The following PIP5K1B variants were observed in gnomAD, a reference collection of about 807,000 sequenced individuals.
PIP5K1B encodes phosphatidylinositol 4-phosphate 5-kinase type-1 beta.
PIP5K1B carries 42 observed loss-of-function variants against 67.0 expected under a neutral mutation model. The ratio of observed to expected loss-of-function variants is 0.63; its 90% CI spans 0.49 to 0.81. The LOEUF (loss-of-function observed/expected upper bound fraction) is 0.81. Ranked by LOEUF, PIP5K1B falls within the 30% of genes least tolerant of loss-of-function variation. The pLI is 0.00. For missense variants in PIP5K1B, 459 were observed against 646.3 expected (o/e 0.71, Z 3.14); for synonymous variants, 214 against 231.4 (o/e 0.92, Z 0.68).
chr9:68,770,888 C>T (rs1159930230), intron 2 of PIP5K1B, among the ~76,000 whole-genome samples: 1 of 151,912 alleles, frequency 6.6e-6, no homozygotes, highest in Non-Finnish European at 1.5e-5. Flanking sequence ...ATCTGTGGAA[C>T]ATATAGCGGA....
At chr9:68,830,436 G>A (rs1344318216) in intron 4 of PIP5K1B, among the ~76,000 whole-genome samples, 4 of 16,572 alleles carry the variant, frequency 2.4e-4, no homozygotes, top group Non-Finnish European at 1.4e-3. Context: ...ACAGCTGAGC[G>A]AGCCAACCCT....
intron 15 of PIP5K1B, among the ~76,000 whole-genome samples, chr9:68,996,904 T>TA (rs1429294786): frequency 1.3e-5 from 2 of 152,232 alleles, no homozygotes; most frequent in Non-Finnish European, 2.9e-5. Context: ...GTTATGCCCT[T>TA]ACACTTTCCA....
At chr9:68,886,956 G>A (rs1400084576) in intron 6 of PIP5K1B, among the ~76,000 whole-genome samples, 1 of 152,138 alleles carries the variant, frequency 6.6e-6, no homozygotes, top group Non-Finnish European at 1.5e-5. Context: ...GGCCTCTGCT[G>A]TGCCTTGAGC....
In PIP5K1B at chr9:68,913,641, AT is replaced by A. The variant is rs560674906; in HGVS notation, c.772-3902del. On this transcript the variant is annotated intron_variant, in intron 8 of 15. Coordinates refer to ENST00000265382, the MANE Select transcript of PIP5K1B (RefSeq NM_003558.4). Reference sequence around the variant, plus strand: ...CCTTCAGATTTCTTAATCGATGGTGATTTTTCCCAACCCAAACTCTAACTGC... The same window carrying A: ...CCTTCAGATTTCTTAATCGATGGTGATTTTCCCAACCCAAACTCTAACTGC... 2.7e-3 allele frequency among the ~76,000 whole-genome samples: 417 copies of A among 152,172 alleles called. 1 individual carries two copies. Among genetic ancestry groups the A allele is most frequent in the African/African-American group, 9.4e-3 (392 of 41,520 alleles).
chr9:69,002,537 G>A (rs1830868189), intron 15 of PIP5K1B, among the ~76,000 whole-genome samples: 1 of 152,038 alleles, frequency 6.6e-6, no homozygotes, highest in East Asian at 1.9e-4. Flanking sequence ...ATCCCCCACT[G>A]CACTACATCC....
At position 68,923,394 on chromosome 9, in the gene PIP5K1B, T is replaced by G. The variant is rs765302865; in HGVS notation, c.1201+8T>G. 6.8e-6 allele frequency: 10 copies of G among 1,466,232 alleles called. No homozygotes were observed. The highest frequency in any genetic ancestry group is 6.0e-5 in the Admixed American group (3 of 49,644). The allele number at this position is 1,466,232 out of a possible 1,614,324, so 90.8% of individuals were successfully genotyped here. On this transcript the variant is annotated splice_region_variant and intron_variant, in intron 12 of 15. Transcript: ENST00000265382. ...TTTTCAAGAAAATTCAAGGTAAGAT[T>G]CTTATGAATTTTTTTTTTTACTTTT...
At chr9:68,864,048 T>C in intron 5 of PIP5K1B, 81 bp downstream of exon 5, 1 of 1,329,024 alleles carries the variant, frequency 7.5e-7, no homozygotes, top group Non-Finnish European at 1.1e-6. Context: ...GCTTTTCTAC[T>C]ATGTACATGT....
At chr9:68,984,095 A>C (rs1361099918) in intron 14 of PIP5K1B, among the ~76,000 whole-genome samples, 2 of 152,184 alleles carry the variant, frequency 1.3e-5, no homozygotes, top group African/African-American at 4.8e-5. Flanking sequence ...TGCATCCTAC[A>C]TTCATTACCA....
chr9:68,921,568 G>A (rs888921388), intron 11 of PIP5K1B, among the ~76,000 whole-genome samples: 1 of 151,986 alleles, frequency 6.6e-6, no homozygotes, highest in African/African-American at 2.4e-5. Flanking sequence ...GTGCATCTAA[G>A]GGCCCCCCAC....
intron 12 of PIP5K1B, among the ~76,000 whole-genome samples, chr9:68,923,956 A>G (rs1564238237): frequency 6.6e-6 from 1 of 152,110 alleles, no homozygotes; most frequent in Non-Finnish European, 1.5e-5. Flanking sequence ...ATTAAACCAC[A>G]CACTCTTAAA....
chr9:68,753,714 C>T (rs1007879266), intron 2 of PIP5K1B, among the ~76,000 whole-genome samples: 1 of 151,818 alleles, frequency 6.6e-6, no homozygotes, highest in Non-Finnish European at 1.5e-5. Flanking sequence ...TTAGTAGAGA[C>T]GGGGTTTCAC....
chr9:68,885,957 G>A (rs1484835314), intron 6 of PIP5K1B, among the ~76,000 whole-genome samples: 11 of 152,264 alleles, frequency 7.2e-5, no homozygotes, highest in Middle Eastern at 3.4e-3. Context: ...CGAGGCCGGC[G>A]GATCATGAGG....
intron 1 of PIP5K1B, among the ~76,000 whole-genome samples, chr9:68,734,221 T>C (rs1828611952): frequency 1.3e-5 from 2 of 152,332 alleles, no homozygotes; most frequent in East Asian, 1.9e-4. Flanking sequence ...GCACAAAGTA[T>C]ATACAGAAAA....
chr9:68,964,596 C>T (rs1303027572), intron 14 of PIP5K1B, among the ~76,000 whole-genome samples: 1 of 152,130 alleles, frequency 6.6e-6, no homozygotes, highest in East Asian at 1.9e-4. Context: ...ATTCTTCTCC[C>T]CAAGAAAGCA....
intron 4 of PIP5K1B, among the ~76,000 whole-genome samples, chr9:68,862,921 T>C (rs1430025834): frequency 2.0e-5 from 3 of 151,934 alleles, no homozygotes; most frequent in Admixed American, 1.3e-4. Context: ...TCTCTGGTGT[T>C]AAAAGCTTGA....
At chr9:68,786,113 A>G (rs1488201185) in intron 2 of PIP5K1B, 2 of 152,182 alleles carry the variant, frequency 1.3e-5, no homozygotes, top group Non-Finnish European at 2.9e-5. Context: ...TGTCTTCAGT[A>G]TGCTGTCTGT....
intron 2 of PIP5K1B, among the ~76,000 whole-genome samples, chr9:68,779,566 G>A (rs1831105883): frequency 6.6e-6 from 1 of 152,178 alleles, no homozygotes; most frequent in Non-Finnish European, 1.5e-5. Flanking sequence ...AGACCAGAAT[G>A]TGGTCTGGTC....
chr9:68,891,463 G>A (rs182115609), intron 7 of PIP5K1B, among the ~76,000 whole-genome samples: 2 of 149,072 alleles, frequency 1.3e-5, no homozygotes, highest in Non-Finnish European at 3.0e-5. Flanking sequence ...TTTAAAAAAT[G>A]ATAAATAAAT....
rs1404814757 is a variant in PIP5K1B, at chr9:68,969,511, A to G, written c.1503-21629A>G. Reference sequence around the variant, plus strand: ...AGGCACAGTATGCTTGGAAATGTAGAATTTTTTATTCAACAGTACTAGGGG... The same window carrying G: ...AGGCACAGTATGCTTGGAAATGTAGGATTTTTTATTCAACAGTACTAGGGG... On this transcript the variant is annotated intron_variant, in intron 14 of 15. Transcript: ENST00000265382. 3.9e-5 allele frequency among the ~76,000 whole-genome samples: 6 copies of G among 152,144 alleles called. 1 individual carries two copies. Among genetic ancestry groups the G allele is most frequent in the Admixed American group, 3.9e-4 (6 of 15,282 alleles).
Sources: allele counts gnomAD v4.1 joint callset (sites outside exome capture counted in the v4.1 genomes callset), GRCh38; gene constraint gnomAD v4.1.1; transcripts MANE v1.5; gene names NCBI Gene and HGNC (gene_info 2026-07-23, HGNC 2026-07-21).